TBX21: variants seen among roughly 807,000 people sequenced by gnomAD.
TBX21 encodes the protein T-box transcription factor TBX21.
In TBX21, 11 loss-of-function variants were observed where a neutral mutation model predicts 52.2. The ratio of observed to expected loss-of-function variants is 0.21; its 90% CI spans 0.13 to 0.35. TBX21 has a LOEUF of 0.35. TBX21 is among the 10% of genes least tolerant of loss of function. The pLI, the probability that TBX21 is intolerant of heterozygous loss-of-function variation, is 1.00. For missense variants in TBX21, 625 were observed against 755.1 expected (o/e 0.83, Z 2.02); for synonymous variants, 300 against 316.1 (o/e 0.95, Z 0.54).
intron 1 of TBX21, among the ~76,000 whole-genome samples, chr17:47,738,679 C>T (rs1214432148): frequency 1.3e-5 from 2 of 152,050 alleles, no homozygotes; most frequent in Admixed American, 1.3e-4. Flanking sequence ...CTGCTCACCG[C>T]AACCTCCGCC....
At chr17:47,738,678 G>A (rs1262401146) in intron 1 of TBX21, among the ~76,000 whole-genome samples, 2 of 151,252 alleles carry the variant, frequency 1.3e-5, no homozygotes, top group Non-Finnish European at 2.9e-5. Context: ...TCTGCTCACC[G>A]CAACCTCCGC....
intron 1 of TBX21, among the ~76,000 whole-genome samples, chr17:47,741,040 A>T (rs1567920671): frequency 6.6e-6 from 1 of 152,112 alleles, no homozygotes; most frequent in East Asian, 1.9e-4. Context: ...AATAATTCTG[A>T]TGAGGATTAG....
chr17:47,739,918 A>G (rs1387716850), intron 1 of TBX21, among the ~76,000 whole-genome samples: 2 of 151,926 alleles, frequency 1.3e-5, no homozygotes, highest in Non-Finnish European at 2.9e-5. Flanking sequence ...AAAAAGAAAG[A>G]AAAAAATGAA....
chr17:47,733,676 C>T lies in TBX21; in HGVS notation c.222C>T (p.Ala74=), dbSNP rs1323287136. The stretch of plus-strand genomic sequence containing the variant: ...CCCCGCCGAGCCGCTTCCTTGGAGC[C>T]TACGCCTACCCGCCGCGACCCCAGG... ...VPAPPSRFLG[A]YAYPPRPQAA... Residue 74 remains alanine, a synonymous_variant, in exon 1 of 6, where the codon GCC becomes GCT. Coordinates refer to ENST00000177694, the MANE Select transcript of TBX21 (RefSeq NM_013351.2). The surrounding 1 kb of genome is among the most constrained non-coding windows in gnomAD (Gnocchi z 6.6). 1 of 1,443,390 alleles carries T rather than the reference C, an allele frequency of 6.9e-7. No homozygotes were observed. The highest frequency in any genetic ancestry group is 2.7e-5 in the Admixed American group (1 of 36,780). The allele number at this position is 1,443,390 out of a possible 1,614,324, so 89.4% of individuals were successfully genotyped here.
At position 47,744,776 on chromosome 17, in the gene TBX21, C is replaced by A; in HGVS notation, c.1018C>A (p.Pro340Thr). 6.2e-7 allele frequency: 1 copy of A among 1,613,894 alleles called. No homozygotes were observed. The highest frequency in any genetic ancestry group is 8.5e-7 in the Non-Finnish European group (1 of 1,179,862). The change falls in exon 6 of 6, where the codon CCC becomes ACC. Residue 340 changes from proline to threonine, a missense_variant. By Grantham distance (38) the Pro-to-Thr change is conservative (BLOSUM62 -1). Coordinates refer to ENST00000177694, the MANE Select transcript of TBX21 (RefSeq NM_013351.2). ...SMYTSVDTSI[P>T]SPPGPNCQFL... ...GTACACATCTGTTGACACCAGCATC[C>A]CCTCCCCGCCTGGACCCAACTGTCA...
chr17:47,734,429 AGTGGTGGTAGTG>A (rs1288821646), intron 1 of TBX21, among the ~76,000 whole-genome samples: 3 of 151,736 alleles, frequency 2.0e-5, no homozygotes, highest in Admixed American at 2.0e-4. Flanking sequence ...GGTCAGCTTT[AGTGGTGGTAGTG>A]GTGGTGGTAG....
At chr17:47,743,335 C>T (rs528345835) in intron 3 of TBX21, 143 bp downstream of exon 3, 2 of 1,179,940 alleles carry the variant, frequency 1.7e-6, no homozygotes, top group South Asian at 3.1e-5. Flanking sequence ...TTTCTTCTGT[C>T]CTAAACGAAG....
At chr17:47,735,707 T>C (rs2032200147) in intron 1 of TBX21, among the ~76,000 whole-genome samples, 1 of 152,208 alleles carries the variant, frequency 6.6e-6, no homozygotes, top group Non-Finnish European at 1.5e-5. Flanking sequence ...TTCACTTCCA[T>C]TATTTCACTG....
In TBX21 at chr17:47,745,419, C is replaced by A; in HGVS notation, c.*53C>A. 1 of 1,524,234 alleles carries A rather than the reference C, an allele frequency of 6.6e-7. No individual in the cohort carries two copies. The highest frequency in any genetic ancestry group is 1.3e-5 in the South Asian group (1 of 76,376). The allele number at this position is 1,524,234 out of a possible 1,614,324, so 94.4% of individuals were successfully genotyped here. On this transcript the variant is annotated 3_prime_UTR_variant, in exon 6 of 6. Coordinates refer to ENST00000177694, the MANE Select transcript of TBX21 (RefSeq NM_013351.2). ...ACAGTGTTATTAGGTTGGAGGACAC[C>A]GACTAATTTGGGAAACGGATGAAGG...
intron 1 of TBX21, among the ~76,000 whole-genome samples, chr17:47,735,047 T>A (rs2032193031): frequency 6.6e-6 from 1 of 152,030 alleles, no homozygotes; most frequent in South Asian, 2.1e-4. Flanking sequence ...GCGGCCCATG[T>A]GAGCAGGGGA....
At chr17:47,734,728 G>A (rs1190650878) in intron 1 of TBX21, among the ~76,000 whole-genome samples, 1 of 151,744 alleles carries the variant, frequency 6.6e-6, no homozygotes. Flanking sequence ...CAGGGGTCCA[G>A]CCTGGTAGCC....
In TBX21 at chr17:47,745,002, C is replaced by T. The variant is rs555375520; in HGVS notation, c.1244C>T (p.Pro415Leu). Residue 415 changes from proline (P) to leucine (L), a missense_variant, in exon 6 of 6, where the codon CCC becomes CTC. Physicochemically the swap from Pro to Leu is moderately conservative, Grantham distance 98. Around this residue, in one of 4 missense-constraint regions of TBX21, gnomAD observed 261 missense variants for 275.1 expected, o/e 0.95. Transcript: ENST00000177694. ...GCATTCTTGCCCTCTGCCCCTGGGC[C>T]CACCATGTCCTACTACCGAGGCCAG... ...KPAFLPSAPG[P>L]TMSYYRGQEV... 45 of 1,612,858 alleles carry T rather than the reference C, an allele frequency of 2.8e-5. No individual in the cohort carries two copies. In the African/African-American group the frequency reaches 5.5e-4, roughly 20 times the overall value.
At chr17:47,737,936 A>C (rs927868185) in intron 1 of TBX21, among the ~76,000 whole-genome samples, 1 of 151,828 alleles carries the variant, frequency 6.6e-6, no homozygotes, top group African/African-American at 2.4e-5. Context: ...AACTTTTCAG[A>C]TCTTAAAAAA....
intron 1 of TBX21, among the ~76,000 whole-genome samples, chr17:47,740,020 C>T (rs1357396884): frequency 6.6e-6 from 1 of 152,162 alleles, no homozygotes; most frequent in Non-Finnish European, 1.5e-5. Flanking sequence ...CACCAAACCT[C>T]TCGGAGCGTC....
intron 3 of TBX21, 106 bp from the exon 4 acceptor site, chr17:47,744,089 C>A: frequency 7.0e-7 from 1 of 1,430,568 alleles, no homozygotes. Context: ...GACAGGATGA[C>A]CTCAAGGTGC....
Position 47,742,499 on chromosome 17 carries a change from G to T in TBX21, c.492-111G>T. The T allele has an allele frequency of 5.3e-6, 7 of 1,323,462 alleles. No homozygotes were observed. The highest frequency in any genetic ancestry group is 4.0e-6 in the Non-Finnish European group (4 of 990,532). 82.0% of individuals were successfully genotyped at this position (1,323,462 alleles called of 1,614,324 possible). On this transcript the variant is annotated intron_variant, in intron 1 of 5. Transcript: ENST00000177694. This position sits in a 1 kb window ranked among gnomAD's most constrained non-coding sequence, Gnocchi z 4.4. ...AACACCTTCCAGCTGGTTCTTGTGAGTGGGAGGAAGCCGGCTACAGCACAC... is the reference window on the plus strand; with the variant it reads ...AACACCTTCCAGCTGGTTCTTGTGATTGGGAGGAAGCCGGCTACAGCACAC...
intron 1 of TBX21, among the ~76,000 whole-genome samples, chr17:47,737,032 C>A (rs2032214632): frequency 6.6e-6 from 1 of 152,106 alleles, no homozygotes; most frequent in African/African-American, 2.4e-5. Flanking sequence ...TGGGGCAGGG[C>A]ACAGGGGGTG....
chr17:47,737,418 A>G (rs2032218832), intron 1 of TBX21, among the ~76,000 whole-genome samples: 1 of 152,122 alleles, frequency 6.6e-6, no homozygotes, highest in Non-Finnish European at 1.5e-5. Flanking sequence ...CTCAATCTGC[A>G]TTTGGATTTG....
In TBX21 at chr17:47,745,294, C is replaced by T; in HGVS notation, c.1536C>T (p.Ser512=). Residue 512 remains serine, a synonymous_variant, in exon 6 of 6, where the codon TCC becomes TCT. Transcript: ENST00000177694. ...CCTATCCTTCCAGTGGTGACAGCTC[C>T]TCCCCTGCTGGGGCCCCTTCTCCTT... The part of the protein sequence containing the change: ...VSPYPSSGDS[S]SPAGAPSPFD... 6.2e-7 allele frequency: 1 copy of T among 1,614,068 alleles called. No homozygotes were observed. The highest frequency in any genetic ancestry group is 1.1e-5 in the South Asian group (1 of 91,054).
Sources: allele counts gnomAD v4.1 joint callset (sites outside exome capture counted in the v4.1 genomes callset), GRCh38; gene constraint gnomAD v4.1.1; regional missense constraint gnomAD v4.1.1; non-coding constraint Gnocchi (gnomAD v3.1); transcripts MANE v1.5; gene names NCBI Gene and HGNC (gene_info 2026-07-23, HGNC 2026-07-21).